Variants in DGKA observed in about 807,000 individuals in gnomAD.
DGKA encodes the protein diacylglycerol kinase alpha.
In DGKA, 35 loss-of-function variants were observed where a neutral mutation model predicts 105.0. The observed-to-expected ratio is 0.33, with a 90% confidence interval of 0.25 to 0.44. The LOEUF (loss-of-function observed/expected upper bound fraction) is 0.44, where lower values mean the gene tolerates loss of function less well. DGKA is among the 20% of genes least tolerant of loss of function. DGKA has a pLI of 1.00. For missense variants in DGKA, 665 were observed against 915.0 expected (o/e 0.73, Z 3.53); for synonymous variants, 296 against 332.0 (o/e 0.89, Z 1.18).
upstream of DGKA, chr12:55,927,776 C>T: frequency 6.5e-7 from 1 of 1,538,088 alleles, no homozygotes; most frequent in Non-Finnish European, 8.7e-7. Context: ...GAAGAGGCAG[C>T]GGACCAGGTT....
intron 13 of DGKA, 39 bp downstream of exon 13, chr12:55,941,019 G>A (rs1443938292): frequency 6.3e-7 from 1 of 1,599,100 alleles, no homozygotes; most frequent in Non-Finnish European, 8.6e-7. Flanking sequence ...GATGGGGGCA[G>A]GTTTTTCACT....
At chr12:55,943,706 A>G (rs1393498614) in intron 17 of DGKA, among the ~76,000 whole-genome samples, 6 of 152,056 alleles carry the variant, frequency 3.9e-5, no homozygotes, top group Non-Finnish European at 8.8e-5. Context: ...ACTCGATGTA[A>G]GTAAAAGATG....
intron 6 of DGKA, 56 bp downstream of exon 6, chr12:55,938,616 C>A (rs765461498): frequency 6.2e-6 from 10 of 1,611,250 alleles, no homozygotes; most frequent in South Asian, 2.2e-5. Context: ...TTGTCTGCAC[C>A]CTCCTGCCCC....
At chr12:55,951,540 C>G (rs575952784) in intron 17 of DGKA, 83 bp from the exon 18 acceptor site, 2 of 1,474,798 alleles carry the variant, frequency 1.4e-6, no homozygotes, top group Admixed American at 2.0e-5. Context: ...CAGAAGGCCC[C>G]TGGGAATTTG....
chr12:55,938,437 T>C, intron 5 of DGKA, 74 bp from the exon 6 acceptor site: 1 of 1,577,668 alleles, frequency 6.3e-7, no homozygotes, highest in Non-Finnish European at 8.7e-7. Context: ...TCTCTTTGTT[T>C]CCCCCATATT....
chr12:55,945,186 G>A (rs944064036), intron 17 of DGKA, among the ~76,000 whole-genome samples: 5 of 152,206 alleles, frequency 3.3e-5, no homozygotes, highest in Admixed American at 3.3e-4. Context: ...TGGAGATGTT[G>A]TGGTGGGTGG....
At chr12:55,946,264 A>G (rs1180733337) in intron 17 of DGKA, among the ~76,000 whole-genome samples, 1 of 151,012 alleles carries the variant, frequency 6.6e-6, no homozygotes, top group Non-Finnish European at 1.5e-5. Context: ...TCTGCCTCCC[A>G]GGTTCTAGCG....
upstream of DGKA, chr12:55,931,023 C>G (rs1258793100): frequency 6.6e-6 from 1 of 152,314 alleles, no homozygotes; most frequent in Non-Finnish European, 1.5e-5. Flanking sequence ...CTCCCCTCCC[C>G]CTTCTTCCCA....
intron 17 of DGKA, among the ~76,000 whole-genome samples, chr12:55,948,728 AAAT>A (rs1049506444): frequency 3.3e-5 from 5 of 151,518 alleles, no homozygotes; most frequent in African/African-American, 1.2e-4. Context: ...AAAAAAAAAA[AAAT>A]TACACAAATG....
chr12:55,930,687 A>T (rs1592649707), upstream of DGKA: 1 of 152,058 alleles, frequency 6.6e-6, no homozygotes, highest in East Asian at 1.9e-4. Context: ...TCTTTTTATG[A>T]TTGGGGGTGA....
chr12:55,953,785 C>T lies in DGKA; in HGVS notation c.*17C>T. 6.2e-7 allele frequency: 1 copy of T among 1,612,534 alleles called. No individual in the cohort carries two copies. The highest frequency in any genetic ancestry group is 8.5e-7 in the Non-Finnish European group (1 of 1,178,536). On this transcript the variant is annotated 3_prime_UTR_variant, in exon 24 of 24. Coordinates refer to ENST00000331886, the MANE Select transcript of DGKA (RefSeq NM_001345.5). ...TTGAGCTAAGGGGGACACCCTTGGCCTCCAAGCCAGCCTTGAACCCACCTC... is the reference window on the plus strand; with the variant it reads ...TTGAGCTAAGGGGGACACCCTTGGCTTCCAAGCCAGCCTTGAACCCACCTC...
intron 17 of DGKA, among the ~76,000 whole-genome samples, chr12:55,945,949 C>A (rs11838363): frequency 6.6e-6 from 1 of 151,818 alleles, no homozygotes; most frequent in African/African-American, 2.4e-5. Flanking sequence ...GCCAACACAC[C>A]GGCTAATTTT....
In DGKA at chr12:55,940,316, C is replaced by T; in HGVS notation, c.801C>T (p.Val267=). 6.2e-7 allele frequency: 1 copy of T among 1,614,268 alleles called. No individual in the cohort carries two copies. Among genetic ancestry groups the T allele is most frequent in the Non-Finnish European group, 8.5e-7 (1 of 1,180,048 alleles). ...AAGGAACTGCCTTTCTCCCCAAGGTCCAATCACATGTGTGGGTGCGAGGAG... is the reference window on the plus strand; with the variant it reads ...AAGGAACTGCCTTTCTCCCCAAGGTTCAATCACATGTGTGGGTGCGAGGAG... The part of the protein sequence containing the change: ...TYAKSRKDIG[V]QSHVWVRGGC... Residue 267 remains valine, a splice_region_variant and synonymous_variant, in exon 11 of 24, where the codon GTC becomes GTT. Transcript: ENST00000331886. This position sits in a 1 kb window ranked among gnomAD's most constrained non-coding sequence, Gnocchi z 4.3.
chr12:55,936,383 G>A, intron 1 of DGKA, 40 bp from the exon 2 acceptor site: 1 of 1,467,418 alleles, frequency 6.8e-7, no homozygotes, highest in African/African-American at 1.4e-5. Context: ...CACCCAGACA[G>A]CTGGCTCTTC....
rs1221179721 is a variant in DGKA, at chr12:55,932,701, ACACACACG to A, written c.-82+1365_-82+1372del. 1.2e-4 allele frequency: 68 copies of A among 575,432 alleles called. No homozygotes were observed. In the African/African-American group the frequency reaches 1.7e-3, roughly 14 times the overall value. The allele number at this position is 575,432 out of a possible 1,614,324, so 35.6% of individuals were successfully genotyped here. A position where few individuals can be genotyped will look rare whatever the true frequency, so the allele number is the denominator to read the frequency against. On this transcript the variant is annotated intron_variant, in intron 1 of 23. Coordinates refer to ENST00000331886, the MANE Select transcript of DGKA (RefSeq NM_001345.5). The surrounding 1 kb of genome is among the most constrained non-coding windows in gnomAD (Gnocchi z 4.3). The stretch of plus-strand genomic sequence containing the variant: ...ACGCAATGACACCCTCTACACACAC[ACACACACG>A]CACACACACACACACACACACACAC...
At chr12:55,941,397 G>T in intron 14 of DGKA, 72 bp downstream of exon 14, 1 of 1,586,408 alleles carries the variant, frequency 6.3e-7, no homozygotes, top group South Asian at 1.1e-5. Context: ...AGGTGGAAGG[G>T]GATGTGTGTG....
chr12:55,953,490 A>G (rs1888578072), intron 23 of DGKA, 80 bp downstream of exon 23: 5 of 1,472,720 alleles, frequency 3.4e-6, no homozygotes, highest in East Asian at 4.5e-5. Context: ...GCTTCTTTAC[A>G]CCCTTCTGAT....
intron 13 of DGKA, 121 bp downstream of exon 13, chr12:55,941,101 C>T: frequency 7.3e-7 from 1 of 1,361,658 alleles, no homozygotes; most frequent in East Asian, 2.3e-5. Context: ...TCCAGAAACT[C>T]CACCATGGTA....
intron 4 of DGKA, 130 bp from the exon 5 acceptor site, chr12:55,937,848 C>A (rs768514479): frequency 8.2e-6 from 7 of 850,360 alleles, no homozygotes; most frequent in African/African-American, 6.8e-5. Context: ...AGTGACAGAG[C>A]AAGACCCTGT....
Sources: gnomAD v4.1 joint callset for allele counts (sites outside exome capture counted in the v4.1 genomes callset) on GRCh38, gnomAD v4.1.1 for gene constraint, Gnocchi (gnomAD v3.1) non-coding constraint, MANE v1.5 for transcripts, NCBI Gene and HGNC (gene_info 2026-07-23, HGNC 2026-07-21) for gene names.